Variants in BMERB1 observed in about 807,000 individuals in gnomAD.
BMERB1 encodes bMERB domain containing 1.
In BMERB1, 12 loss-of-function variants were observed where a neutral mutation model predicts 23.6. The observed-to-expected ratio is 0.51, with a 90% CI of 0.33 to 0.82. The LOEUF (loss-of-function observed/expected upper bound fraction) is 0.82. BMERB1 is among the 40% of genes least tolerant of loss of function. BMERB1 has a pLI of 0.03. For synonymous variants in BMERB1, 122 were observed against 96.6 expected (o/e 1.26, Z -1.54); for missense variants, 247 against 255.4 (o/e 0.97, Z 0.22).
intron 1 of BMERB1, among the ~76,000 whole-genome samples, chr16:15,494,369 T>C (rs762747313): frequency 1.3e-5 from 2 of 152,088 alleles, no homozygotes; most frequent in Non-Finnish European, 2.9e-5. Flanking sequence ...GGAAGAAATA[T>C]GACAGCATGG....
chr16:15,495,626 G>A (rs1000768951), intron 1 of BMERB1, among the ~76,000 whole-genome samples: 6 of 151,756 alleles, frequency 4.0e-5, no homozygotes, highest in Non-Finnish European at 5.9e-5. Flanking sequence ...TCGGCCTCCC[G>A]AAGTGCTGGG....
chr16:15,499,641 C>G (rs1284256932), intron 1 of BMERB1, among the ~76,000 whole-genome samples: 1 of 151,006 alleles, frequency 6.6e-6, no homozygotes, highest in South Asian at 2.1e-4. Flanking sequence ...TCTGTGGACA[C>G]CTTCTCTCTG....
chr16:15,559,414 C>A (rs2150969120), intron 2 of BMERB1, among the ~76,000 whole-genome samples: 1 of 152,280 alleles, frequency 6.6e-6, no homozygotes, highest in African/African-American at 2.4e-5. Flanking sequence ...GGAGAGGAGA[C>A]AACACGGTGA....
At chr16:15,584,385 C>T (rs1170771740) in intron 5 of BMERB1, among the ~76,000 whole-genome samples, 1 of 151,928 alleles carries the variant, frequency 6.6e-6, no homozygotes, top group East Asian at 1.9e-4. Flanking sequence ...GGTGAAGCCC[C>T]GTCTCTACTA....
At chr16:15,521,949 A>C (rs1567483159) in intron 2 of BMERB1, among the ~76,000 whole-genome samples, 1 of 152,070 alleles carries the variant, frequency 6.6e-6, no homozygotes, top group African/African-American at 2.4e-5. Flanking sequence ...CCTCAGACTC[A>C]TTTTCTCGCC....
intron 2 of BMERB1, among the ~76,000 whole-genome samples, chr16:15,549,943 A>C (rs910429434): frequency 6.7e-6 from 1 of 149,694 alleles, no homozygotes; most frequent in African/African-American, 2.4e-5. Flanking sequence ...GATATTTCCC[A>C]TTTCAAAAGC....
At chr16:15,562,627 C>T (rs1223132802) in intron 2 of BMERB1, among the ~76,000 whole-genome samples, 1 of 152,150 alleles carries the variant, frequency 6.6e-6, no homozygotes, top group Non-Finnish European at 1.5e-5. Context: ...TCTCTACCCA[C>T]TAGATGCCAG....
chr16:15,450,662 G>A (rs1003481267), intron 1 of BMERB1, among the ~76,000 whole-genome samples: 4 of 152,066 alleles, frequency 2.6e-5, no homozygotes, highest in African/African-American at 7.2e-5. Context: ...GTAGAGATGG[G>A]GTTTTACCAT....
At chr16:15,572,723 A>G (rs1374989387) in intron 3 of BMERB1, among the ~76,000 whole-genome samples, 1 of 152,142 alleles carries the variant, frequency 6.6e-6, no homozygotes, top group Non-Finnish European at 1.5e-5. Flanking sequence ...ATAGAACTCA[A>G]CTTGTGATAT....
chr16:15,523,697 T>A lies in BMERB1; in HGVS notation c.230+8269T>A, dbSNP rs575715486. Among the ~76,000 whole-genome samples, 45 of 152,306 alleles carry A rather than the reference T, an allele frequency of 3.0e-4. 1 individual carries two copies. The South Asian group carries it at 9.3e-3, about 32-fold the overall frequency. On this transcript the variant is annotated intron_variant, in intron 2 of 5. Transcript: ENST00000300006. Reference sequence around the variant, plus strand: ...TACAAGGGGGACAGTGATATCTCCCTGCAGCATCATAGCAAGGGATGAAAA... The same window carrying A: ...TACAAGGGGGACAGTGATATCTCCCAGCAGCATCATAGCAAGGGATGAAAA...
chr16:15,562,134 C>G (rs1348984268), intron 2 of BMERB1, among the ~76,000 whole-genome samples: 2 of 150,150 alleles, frequency 1.3e-5, no homozygotes, highest in African/African-American at 4.9e-5. Flanking sequence ...ATGGTGAAAT[C>G]TCGTCCAAAA....
At chr16:15,485,996 C>A (rs2051365343) in intron 1 of BMERB1, among the ~76,000 whole-genome samples, 1 of 152,028 alleles carries the variant, frequency 6.6e-6, no homozygotes, top group African/African-American at 2.4e-5. Context: ...AATCCTAGCA[C>A]TTTGGGAGAC....
At chr16:15,439,914 G>C (rs1345943026) in intron 1 of BMERB1, among the ~76,000 whole-genome samples, 2 of 152,066 alleles carry the variant, frequency 1.3e-5, no homozygotes, top group Non-Finnish European at 2.9e-5. Flanking sequence ...GGAAATGGAG[G>C]AGTTGGAGGC....
chr16:15,549,269 G>T (rs754460296), intron 2 of BMERB1, among the ~76,000 whole-genome samples: 4 of 151,330 alleles, frequency 2.6e-5, no homozygotes, highest in Non-Finnish European at 5.9e-5. Flanking sequence ...AACCCAGGAG[G>T]TGGAGGTTGC....
At position 15,518,903 on chromosome 16, in the gene BMERB1, C is replaced by A. The variant is rs540711408; in HGVS notation, c.230+3475C>A. Reference sequence around the variant, plus strand: ...GAAGGAAGCTTTGAGTATAAACTACCAAGATAATTCCTTCAAGTTTATAAA... The same window carrying A: ...GAAGGAAGCTTTGAGTATAAACTACAAAGATAATTCCTTCAAGTTTATAAA... On this transcript the variant is annotated intron_variant, in intron 2 of 5. Coordinates refer to ENST00000300006, the MANE Select transcript of BMERB1 (RefSeq NM_033201.3). 4.6e-4 allele frequency among the ~76,000 whole-genome samples: 70 copies of A among 151,958 alleles called. 1 individual carries two copies. Among genetic ancestry groups the A allele is most frequent in the African/African-American group, 1.6e-3 (67 of 41,412 alleles).
At chr16:15,483,348 G>A (rs774492782) in intron 1 of BMERB1, among the ~76,000 whole-genome samples, 2 of 152,134 alleles carry the variant, frequency 1.3e-5, no homozygotes, top group African/African-American at 4.8e-5. Flanking sequence ...GCACTTGAAC[G>A]GAGTGGTTGA....
At chr16:15,435,242 C>A (rs1220052689) in intron 1 of BMERB1, among the ~76,000 whole-genome samples, 1 of 152,170 alleles carries the variant, frequency 6.6e-6, no homozygotes, top group African/African-American at 2.4e-5. Flanking sequence ...CCTGAAATTC[C>A]CAGCTTTTCC....
rs533481318 is a variant in BMERB1 at position 15,526,389 on chromosome 16, G to A, written c.230+10961G>A. On this transcript the variant is annotated intron_variant, in intron 2 of 5. Transcript: ENST00000300006. ...GTATAAAAGTAAAAAATATAGGCCG[G>A]GCGTGGTGGCTCACGCCTCTAATCC... Among the ~76,000 whole-genome samples, 4 of 152,232 alleles carry A rather than the reference G, an allele frequency of 2.6e-5. No homozygotes were observed. The South Asian group carries it at 8.3e-4, about 32-fold the overall frequency.
At chr16:15,537,507 C>G (rs1002199441) in intron 2 of BMERB1, among the ~76,000 whole-genome samples, 3 of 151,922 alleles carry the variant, frequency 2.0e-5, no homozygotes, top group African/African-American at 7.3e-5. Flanking sequence ...GTGCCCGCCA[C>G]CATGCCTGGC....
Sources: gnomAD v4.1 joint callset for allele counts (sites outside exome capture counted in the v4.1 genomes callset) on GRCh38, gnomAD v4.1.1 for gene constraint, MANE v1.5 for transcripts, NCBI Gene and HGNC (gene_info 2026-07-23, HGNC 2026-07-21) for gene names.